The following DDC variants were observed in gnomAD, a reference collection of about 807,000 sequenced individuals.
DDC encodes aromatic-L-amino-acid decarboxylase.
A neutral mutation model predicts 60.0 loss-of-function variants in DDC; 43 were observed. The ratio of observed to expected loss-of-function variants is 0.72; its 90% CI spans 0.56 to 0.92. The LOEUF (loss-of-function observed/expected upper bound fraction) is 0.92, where lower values mean the gene tolerates loss of function less well. DDC is among the 40% of genes least tolerant of loss of function. The pLI, the probability that DDC is intolerant of heterozygous loss-of-function variation, is 0.00. For missense variants in DDC, 573 were observed against 620.2 expected (o/e 0.92, Z 0.81); for synonymous variants, 232 against 234.6 (o/e 0.99, Z 0.10).
At position 50,475,575 on chromosome 7, in the gene DDC, T is replaced by A. The variant is rs377656764; in HGVS notation, c.1041+1049A>T. 1.4e-4 allele frequency among the ~76,000 whole-genome samples: 21 copies of A among 152,312 alleles called. No individual in the cohort carries two copies. In the East Asian group the frequency reaches 2.5e-3, roughly 18 times the overall value. ...TTGAGGGGAAGCCCCTGCTGGGTCA[T>A]TATCACACCGGCTGCTGACAATGTT... is the stretch of plus-strand genomic sequence containing the variant. On this transcript the variant is annotated intron_variant, in intron 11 of 14. Coordinates refer to ENST00000444124, the MANE Select transcript of DDC (RefSeq NM_001082971.2).
intron 4 of DDC, among the ~76,000 whole-genome samples, chr7:50,536,653 C>T (rs1234087336): frequency 1.3e-5 from 2 of 152,216 alleles, no homozygotes; most frequent in Non-Finnish European, 2.9e-5. Flanking sequence ...TTCTGATGTA[C>T]AGAACTGTAA....
intron 1 of DDC, among the ~76,000 whole-genome samples, chr7:50,556,824 A>G (rs546588803): frequency 5.9e-5 from 9 of 152,328 alleles, no homozygotes; most frequent in East Asian, 5.8e-4. Context: ...CAGCACTACA[A>G]TTCCACAGGA....
intron 1 of DDC, among the ~76,000 whole-genome samples, chr7:50,553,153 A>G (rs1255484786): frequency 6.6e-6 from 1 of 152,234 alleles, no homozygotes; most frequent in Admixed American, 6.5e-5. Context: ...TGGGGATGGC[A>G]ACCATGCACT....
At chr7:50,459,708 A>C (rs1585122674) in intron 14 of DDC, 4 of 147,406 alleles carry the variant, frequency 2.7e-5, no homozygotes, top group South Asian at 1.8e-4. Context: ...AAGTGAGGAG[A>C]CCCTCCGCCT....
rs777098390 is a variant in DDC at position 50,470,183 on chromosome 7, C to T, written c.1042-12G>A. ...GGTATCTGCCAATGCTGAAATGAAA[C>T]ATGAAACAGACCATCAGTGAGGAAG... On this transcript the variant is annotated splice_polypyrimidine_tract_variant and intron_variant, in intron 11 of 14. Transcript: ENST00000444124. 2 of 1,560,288 alleles carry T rather than the reference C, an allele frequency of 1.3e-6. No individual in the cohort carries two copies. The highest frequency in any genetic ancestry group is 1.1e-5 in the South Asian group (1 of 90,102).
chr7:50,502,625 T>G (rs1197820452), intron 7 of DDC, among the ~76,000 whole-genome samples: 1 of 152,112 alleles, frequency 6.6e-6, no homozygotes, highest in African/African-American at 2.4e-5. Context: ...CACGACCACT[T>G]CCCGCCAGTT....
At chr7:50,493,127 G>A in intron 9 of DDC, 2 of 808,744 alleles carry the variant, frequency 2.5e-6, no homozygotes, top group South Asian at 3.1e-5. Flanking sequence ...TCTGTAAAGA[G>A]AGCGTGGCAA....
chr7:50,512,260 T>C (rs2043600064), intron 6 of DDC, among the ~76,000 whole-genome samples: 1 of 152,008 alleles, frequency 6.6e-6, no homozygotes, highest in South Asian at 2.1e-4. Flanking sequence ...TTAGACAAAG[T>C]GGATCAAGAA....
At chr7:50,461,866 A>G (rs1585127276) in intron 14 of DDC, among the ~76,000 whole-genome samples, 1 of 152,290 alleles carries the variant, frequency 6.6e-6, no homozygotes, top group Middle Eastern at 3.4e-3. Context: ...GCTTATGAGT[A>G]GGGGAAGGCC....
At chr7:50,541,593 G>A (rs989336586) in intron 2 of DDC, among the ~76,000 whole-genome samples, 30 of 152,150 alleles carry the variant, frequency 2.0e-4, no homozygotes, top group Non-Finnish European at 1.5e-4. Context: ...TCTTGGTTAC[G>A]TGAGTACACA....
intron 9 of DDC, among the ~76,000 whole-genome samples, chr7:50,494,189 T>C (rs1023349997): frequency 1.3e-5 from 2 of 152,190 alleles, no homozygotes; most frequent in East Asian, 3.8e-4. Context: ...ATTCTAAATA[T>C]CACCAAGGTA....
intron 6 of DDC, among the ~76,000 whole-genome samples, chr7:50,510,125 C>G (rs541169261): frequency 6.6e-6 from 1 of 152,002 alleles, no homozygotes; most frequent in African/African-American, 2.4e-5. Context: ...GTGACTGCCA[C>G]CATGCCCGGC....
At chr7:50,526,058 C>G (rs1264704998) in intron 6 of DDC, among the ~76,000 whole-genome samples, 6 of 151,892 alleles carry the variant, frequency 4.0e-5, no homozygotes. Flanking sequence ...TTTCCAAAAC[C>G]GAGGAGAGAC....
intron 9 of DDC, among the ~76,000 whole-genome samples, chr7:50,482,792 AT>A (rs1321971942): frequency 1.3e-5 from 2 of 152,316 alleles, no homozygotes; most frequent in Non-Finnish European, 2.9e-5. Flanking sequence ...TTTTCTTGCT[AT>A]TATAAAGAGT....
At chr7:50,497,197 G>A (rs4948216) in intron 8 of DDC, among the ~76,000 whole-genome samples, 2,926 of 142,914 alleles carry the variant, frequency 0.02, 166 homozygotes, top group Admixed American at 0.13. Flanking sequence ...CCACTGAGAC[G>A]CACAGCCCTC....
intron 1 of DDC, among the ~76,000 whole-genome samples, chr7:50,547,197 CTT>C (rs2044835933): frequency 6.7e-6 from 1 of 150,256 alleles, no homozygotes; most frequent in Admixed American, 6.8e-5. Flanking sequence ...TTGATAAATA[CTT>C]TTCTTTTTCT....
chr7:50,535,468 A>G (rs923036592), intron 4 of DDC, among the ~76,000 whole-genome samples: 5 of 152,150 alleles, frequency 3.3e-5, no homozygotes, highest in African/African-American at 1.2e-4. Flanking sequence ...TCAGCTCCCC[A>G]TTTAATATCA....
At chr7:50,556,654 G>T (rs571585582) in intron 1 of DDC, among the ~76,000 whole-genome samples, 24 of 152,176 alleles carry the variant, frequency 1.6e-4, no homozygotes, top group Non-Finnish European at 2.8e-4. Context: ...AATTCAGGAG[G>T]AATCAAATCC....
At chr7:50,460,363 A>G (rs1322719290) in intron 14 of DDC, among the ~76,000 whole-genome samples, 7 of 104,858 alleles carry the variant, frequency 6.7e-5, no homozygotes, top group East Asian at 3.1e-4. Flanking sequence ...AGGAGGTGGG[A>G]GGGTCAGCCC....
Sources: allele counts gnomAD v4.1 joint callset (sites outside exome capture counted in the v4.1 genomes callset), GRCh38; gene constraint gnomAD v4.1.1; transcripts MANE v1.5; gene names NCBI Gene and HGNC (gene_info 2026-07-23, HGNC 2026-07-21).